Variants in DDX52 observed in about 807,000 individuals in gnomAD.
DDX52 encodes probable ATP-dependent RNA helicase DDX52.
Under a neutral mutation model 76.1 loss-of-function variants are expected in DDX52, and 59 were observed. That is an observed-to-expected ratio of 0.78 (90% confidence interval 0.63 to 0.96). The LOEUF (loss-of-function observed/expected upper bound fraction) is 0.96. DDX52 is among the 40% of genes least tolerant of loss of function. The pLI is 0.00. For missense variants in DDX52, 707 were observed against 703.9 expected (o/e 1.00, Z -0.05); for synonymous variants, 231 against 244.1 (o/e 0.95, Z 0.50).
chr17:37,626,530 T>G (rs1251872659), intron 7 of DDX52, among the ~76,000 whole-genome samples: 1 of 152,198 alleles, frequency 6.6e-6, no homozygotes, highest in Admixed American at 6.5e-5. Flanking sequence ...TAGAGCAGCA[T>G]GAAAACGGAC....
chr17:37,642,253 A>G lies in DDX52; in HGVS notation c.143T>C (p.Phe48Ser), dbSNP rs769833902. Residue 48 changes from phenylalanine to serine, a missense_variant, in exon 2 of 15, where the codon TTT becomes TCT. Phe to Ser is a radical substitution (Grantham distance 155). Coordinates refer to ENST00000617633, the MANE Select transcript of DDX52 (RefSeq NM_007010.5). Reference protein sequence around the residue: ...DSSEVLQGLDFFGNKKSVPGV... With the variant: ...DSSEVLQGLDSFGNKKSVPGV... ...TGGGACAGACTTCTTGTTTCCAAAAAAGTCCAGTCCCTGAAGCACCTCCGA... is the reference window on the plus strand; with the variant it reads ...TGGGACAGACTTCTTGTTTCCAAAAGAGTCCAGTCCCTGAAGCACCTCCGA... 4.3e-6 allele frequency: 7 copies of G among 1,614,118 alleles called. No individual in the cohort carries two copies. Among genetic ancestry groups the G allele is most frequent in the Non-Finnish European group, 5.1e-6 (6 of 1,180,012 alleles).
In DDX52 at chr17:37,609,788, T is replaced by C. The variant is rs1157999350; in HGVS notation, c.*4508A>G. On this transcript the variant is annotated 3_prime_UTR_variant, in exon 15 of 15. Transcript: ENST00000617633. Reference sequence around the variant, plus strand: ...CTGGTGTTCTTTTATTGTTACTCTTTACACACAAAGAACAGATAGGTCCTG... The same window carrying C: ...CTGGTGTTCTTTTATTGTTACTCTTCACACACAAAGAACAGATAGGTCCTG... 1.3e-5 allele frequency: 2 copies of C among 159,320 alleles called. No homozygotes were observed. Among genetic ancestry groups the C allele is most frequent in the African/African-American group, 4.8e-5 (2 of 41,750 alleles). 9.9% of individuals were successfully genotyped at this position (159,320 alleles called of 1,614,324 possible).
chr17:37,617,824 A>C (rs1453211145), intron 14 of DDX52, among the ~76,000 whole-genome samples: 2 of 152,222 alleles, frequency 1.3e-5, no homozygotes, highest in African/African-American at 4.8e-5. Context: ...GAAAAATTCC[A>C]ATATTAAAAC....
chr17:37,625,602 A>C (rs2030324974), intron 8 of DDX52, among the ~76,000 whole-genome samples: 1 of 152,198 alleles, frequency 6.6e-6, no homozygotes, highest in Admixed American at 6.5e-5. Context: ...TAAGCCATCA[A>C]AGAAACTAAA....
At chr17:37,635,340 C>A (rs182148784) in intron 2 of DDX52, among the ~76,000 whole-genome samples, 1 of 152,322 alleles carries the variant, frequency 6.6e-6, no homozygotes. Flanking sequence ...ATTTCTATCA[C>A]TTCTCCAGAT....
At position 37,621,392 on chromosome 17, in the gene DDX52, C is replaced by T; in HGVS notation, c.1350+6G>A. Reference sequence around the variant, plus strand: ...TCTGAGTTTCAAAGTATATATTTGACTTTACCTGTTGTTGTGTTCTCTCTG... The same window carrying T: ...TCTGAGTTTCAAAGTATATATTTGATTTTACCTGTTGTTGTGTTCTCTCTG... On this transcript the variant is annotated splice_donor_region_variant and intron_variant, in intron 10 of 14. Coordinates refer to ENST00000617633, the MANE Select transcript of DDX52 (RefSeq NM_007010.5). 6.2e-7 allele frequency: 1 copy of T among 1,608,738 alleles called. No homozygotes were observed. The highest frequency in any genetic ancestry group is 8.5e-7 in the Non-Finnish European group (1 of 1,178,522).
chr17:37,619,787 C>T lies in DDX52; in HGVS notation c.1630G>A (p.Gly544Ser). 1 of 1,613,646 alleles carries T rather than the reference C, an allele frequency of 6.2e-7. No homozygotes were observed. The highest frequency in any genetic ancestry group is 8.5e-7 in the Non-Finnish European group (1 of 1,179,860). ...AGCPVPEYIK[G>S]FQKLLSKQKK... ...TTGTACCTTAGTAGTTTCTGAAAAC[C>T]TTTTATGTATTCTGGTACAGGACAC... is the stretch of plus-strand genomic sequence containing the variant. Residue 544 changes from glycine to serine, a missense_variant, in exon 13 of 15, where the codon GGT becomes AGT. Coordinates refer to ENST00000617633, the MANE Select transcript of DDX52 (RefSeq NM_007010.5).
At chr17:37,617,385 A>T (rs2029874661) in intron 14 of DDX52, among the ~76,000 whole-genome samples, 1 of 152,262 alleles carries the variant, frequency 6.6e-6, no homozygotes, top group African/African-American at 2.4e-5. Context: ...TAGAATGTGA[A>T]GAGTGCCATT....
rs746184693 is a variant in DDX52 at position 37,630,076 on chromosome 17, C to T, written c.701G>A (p.Gly234Asp). The T allele has an allele frequency of 2.5e-6, 4 of 1,613,856 alleles. No homozygotes were observed. In the Admixed American group the frequency reaches 6.7e-5, roughly 27 times the overall value. Residue 234 changes from glycine (G) to aspartate (D), a missense_variant, in exon 5 of 15, where the codon GGC (glycine) becomes GAC (aspartate). Coordinates refer to ENST00000617633, the MANE Select transcript of DDX52 (RefSeq NM_007010.5). ...TGGTGATATAATCAGGGCTCTGAAG[C>T]CTTTATTTGCGGGTTGTTTCAGCTG... ...LMQLKQPANK[G>D]FRALIISPTR...
rs1258615436 is a variant in DDX52 at position 37,612,519 on chromosome 17, G to C, written c.*1777C>G. 1.3e-5 allele frequency: 2 copies of C among 152,132 alleles called. No homozygotes were observed. The highest frequency in any genetic ancestry group is 2.9e-5 in the Non-Finnish European group (2 of 68,022). The allele number at this position is 152,132 out of a possible 1,614,324, so 9.4% of individuals were successfully genotyped here. On this transcript the variant is annotated 3_prime_UTR_variant, in exon 15 of 15. Transcript: ENST00000617633. ...TAGGAGCAACAGACTATACCATATAGCCTAGGTGTACTGGTAGGCTATACC... is the reference window on the plus strand; with the variant it reads ...TAGGAGCAACAGACTATACCATATACCCTAGGTGTACTGGTAGGCTATACC...
rs201984380 is a variant in DDX52, at chr17:37,624,380, G to A, written c.1191C>T (p.Thr397=). The change falls in exon 9 of 15, where the codon ACC becomes ACT. Residue 397 remains threonine, a synonymous_variant. Coordinates refer to ENST00000617633, the MANE Select transcript of DDX52 (RefSeq NM_007010.5). ...GTTCTCTCACGGCCAGAAGTTTTCC[G>A]GTCTCAGATCCAACAAAGAGAAGCT... ...EQELLFVGSE[T]GKLLAVRELV... is the part of the protein sequence containing the mutation. 315 of 1,607,348 alleles carry A rather than the reference G, an allele frequency of 2.0e-4. 4 individuals carry two copies. The East Asian group carries it at 2.6e-3, about 13-fold the overall frequency.
At chr17:37,643,130 C>A in intron 1 of DDX52, 1 of 485,314 alleles carries the variant, frequency 2.1e-6, no homozygotes, top group Non-Finnish European at 3.7e-6. Flanking sequence ...AGGTCTACAA[C>A]AGGATAGTTA....
Position 37,642,202 on chromosome 17 carries a change from T to A in DDX52, c.194A>T (p.His65Leu), listed in dbSNP as rs753285819. Residue 65 changes from histidine to leucine, a missense_variant, in exon 2 of 15, where the codon CAT becomes CTT. Transcript: ENST00000617633. The stretch of plus-strand genomic sequence containing the variant: ...TTTCTCTCCATTTTGGGGCTTCTGA[T>A]GTGTTTGTGATGCTCCACACACACC... The part of the protein sequence containing the change: ...VPGVCGASQT[H>L]QKPQNGEKKE... 2 of 1,614,186 alleles carry A rather than the reference T, an allele frequency of 1.2e-6. No homozygotes were observed. Among genetic ancestry groups the A allele is most frequent in the Non-Finnish European group, 1.7e-6 (2 of 1,180,034 alleles).
chr17:37,633,035 C>T (rs376329219), intron 3 of DDX52, among the ~76,000 whole-genome samples: 17 of 152,180 alleles, frequency 1.1e-4, no homozygotes, highest in African/African-American at 3.4e-4. Flanking sequence ...TCTAAACATA[C>T]TATCAATCTT....
Position 37,625,882 on chromosome 17 carries a change from A to G in DDX52, c.1136+13T>C, listed in dbSNP as rs1256874562. The G allele has an allele frequency of 6.2e-7, 1 of 1,613,774 alleles. No individual in the cohort carries two copies. Among genetic ancestry groups the G allele is most frequent in the South Asian group, 1.1e-5 (1 of 91,076 alleles). On this transcript the variant is annotated intron_variant, in intron 8 of 14. Coordinates refer to ENST00000617633, the MANE Select transcript of DDX52 (RefSeq NM_007010.5). Reference sequence around the variant, plus strand: ...AAAAATCAGTGTGATAATGTTGAGAAACAATTAAATACCTTGCTCCAATGG... The same window carrying G: ...AAAAATCAGTGTGATAATGTTGAGAGACAATTAAATACCTTGCTCCAATGG...
chr17:37,642,088 A>G lies in DDX52; in HGVS notation c.286+22T>C, dbSNP rs1361870594. The G allele has an allele frequency of 9.3e-6, 15 of 1,609,196 alleles. No homozygotes were observed. The Admixed American group carries it at 1.2e-4, about 13-fold the overall frequency. The stretch of plus-strand genomic sequence containing the variant: ...CTGAAAAAAATTAAAGAGAAAAAAC[A>G]TGACAGAAATCAAACACTAACCTGA... On this transcript the variant is annotated intron_variant, in intron 2 of 14. Coordinates refer to ENST00000617633, the MANE Select transcript of DDX52 (RefSeq NM_007010.5).
rs373429256 is a variant in DDX52 at position 37,621,524 on chromosome 17, AAAG to A, written c.1228-7_1228-5del. 14 of 1,600,390 alleles carry A rather than the reference AAAG, an allele frequency of 8.7e-6. No homozygotes were observed. The highest frequency in any genetic ancestry group is 5.4e-5 in the African/African-American group (4 of 74,116). On this transcript the variant is annotated splice_polypyrimidine_tract_variant and splice_region_variant and intron_variant, in intron 9 of 14. Coordinates refer to ENST00000617633, the MANE Select transcript of DDX52 (RefSeq NM_007010.5). ...CAAGAACAGGTGGATTGAAACCCTA[AAAG>A]AAGACAAAAATTGGCATACATAACT...
intron 8 of DDX52, 52 bp from the exon 9 acceptor site, chr17:37,624,486 C>T (rs2147346276): frequency 2.8e-6 from 4 of 1,406,474 alleles, no homozygotes; most frequent in Non-Finnish European, 2.9e-6. Flanking sequence ...TTGCTTTTTC[C>T]CCTGAACTCT....
intron 8 of DDX52, 51 bp downstream of exon 8, chr17:37,625,844 T>C: frequency 6.2e-7 from 1 of 1,605,544 alleles, no homozygotes; most frequent in Non-Finnish European, 8.5e-7. Flanking sequence ...TAAAAAAGAC[T>C]TGTATTTAAA....
Sources: allele counts gnomAD v4.1 joint callset (sites outside exome capture counted in the v4.1 genomes callset), GRCh38; gene constraint gnomAD v4.1.1; transcripts MANE v1.5; gene names NCBI Gene and HGNC (gene_info 2026-07-23, HGNC 2026-07-21).